PCDH7: variants seen among roughly 807,000 people sequenced by gnomAD.
PCDH7 encodes the protein protocadherin 7.
A neutral mutation model predicts 58.9 loss-of-function variants in PCDH7; 17 were observed. The observed-to-expected ratio is 0.29, with a 90% CI of 0.20 to 0.43. The LOEUF (loss-of-function observed/expected upper bound fraction) is 0.43, where lower values mean the gene tolerates loss of function less well. Among genes scored for constraint, PCDH7 ranks in the 20% least tolerant of loss-of-function variants. PCDH7 has a pLI of 1.00. For synonymous variants in PCDH7, 664 were observed against 616.4 expected, an observed-to-expected ratio of 1.08 and a Z score of -1.14; for missense variants, 1,274 against 1,441.0, an observed-to-expected ratio of 0.88 and a Z score of 1.88.
chr4:30,808,406 C>T (rs1726539824), intron 1 of PCDH7, among the ~76,000 whole-genome samples: 1 of 152,166 alleles, frequency 6.6e-6, no homozygotes, highest in South Asian at 2.1e-4. Flanking sequence ...CCCTCTCTTT[C>T]TCTGCTGTTT....
chr4:31,135,477 T>C lies in PCDH7; in HGVS notation c.*8-6996T>C, dbSNP rs116818602. ...CCAGTGGCCAGCGTATGTCTCTAGA[T>C]AGATAGTAGCTCTGTGTATCACAGA... On this transcript the variant is annotated intron_variant, in intron 3 of 3. Coordinates refer to the PCDH7 transcript ENST00000509759. Among the ~76,000 whole-genome samples, 1,432 of 152,284 alleles carry C rather than the reference T, an allele frequency of 9.4e-3. 6 individuals are homozygous for C. Among genetic ancestry groups the C allele is most frequent in the Non-Finnish European group, 0.014 (934 of 68,016 alleles).
intron 3 of PCDH7, among the ~76,000 whole-genome samples, chr4:30,961,484 G>A (rs978502494): frequency 5.9e-5 from 9 of 151,896 alleles, no homozygotes; most frequent in African/African-American, 1.7e-4. Flanking sequence ...CCTGGGAGGT[G>A]GAGGTTGCAG....
At chr4:30,947,329 TTAATAA>T in intron 2 of PCDH7, among the ~76,000 whole-genome samples, 1 of 152,304 alleles carries the variant, frequency 6.6e-6, no homozygotes, top group Middle Eastern at 3.4e-3. Flanking sequence ...GTCAGTGCAC[TTAATAA>T]TAACCACAAA....
At chr4:30,933,987 C>T (rs1745008852) in intron 2 of PCDH7, among the ~76,000 whole-genome samples, 1 of 152,136 alleles carries the variant, frequency 6.6e-6, no homozygotes, top group South Asian at 2.1e-4. Context: ...TCACACGGAA[C>T]CATATTTTAT....
intron 3 of PCDH7, among the ~76,000 whole-genome samples, chr4:31,137,941 T>C (rs2109344194): frequency 6.6e-6 from 1 of 152,130 alleles, no homozygotes; most frequent in South Asian, 2.1e-4. Context: ...GGACCTGGAG[T>C]AGAGTGAGTG....
At position 30,758,451 on chromosome 4, in the gene PCDH7, T is replaced by C. The variant is rs193026734; in HGVS notation, c.70+33855T>C. On this transcript the variant is annotated intron_variant, in intron 1 of 3. Coordinates refer to the PCDH7 transcript ENST00000509759. ...AATACTTCATAGAATTTAAAACATT[T>C]ATCTTACAGTTCCAGTATGAGCAGT... is the stretch of plus-strand genomic sequence containing the variant. Among the ~76,000 whole-genome samples, 173 of 152,362 alleles carry C rather than the reference T, an allele frequency of 1.1e-3. 1 individual carries two copies. The highest frequency in any genetic ancestry group is 3.7e-3 in the African/African-American group (155 of 41,592).
chr4:30,828,713 T>A (rs1463466632), intron 1 of PCDH7, among the ~76,000 whole-genome samples: 2 of 152,120 alleles, frequency 1.3e-5, no homozygotes, highest in African/African-American at 4.8e-5. Flanking sequence ...TTGCTCACTT[T>A]TCTCTACTCG....
chr4:30,973,295 T>G (rs1185014834), intron 3 of PCDH7, among the ~76,000 whole-genome samples: 3 of 152,148 alleles, frequency 2.0e-5, no homozygotes, highest in African/African-American at 7.2e-5. Context: ...GAAATGCTGT[T>G]GCATGCTTAG....
chr4:30,992,002 G>A (rs1751502732), intron 3 of PCDH7, among the ~76,000 whole-genome samples: 1 of 152,246 alleles, frequency 6.6e-6, no homozygotes, highest in South Asian at 2.1e-4. Flanking sequence ...AAATCAAACA[G>A]ATGAATGATC....
chr4:30,973,149 A>C (rs1749754681), intron 3 of PCDH7, among the ~76,000 whole-genome samples: 1 of 152,200 alleles, frequency 6.6e-6, no homozygotes, highest in Admixed American at 6.5e-5. Context: ...ATAGAGACAA[A>C]AATCACATTT....
intron 1 of PCDH7, among the ~76,000 whole-genome samples, chr4:30,906,501 G>T (rs1358628234): frequency 6.6e-6 from 1 of 152,058 alleles, no homozygotes; most frequent in East Asian, 1.9e-4. Context: ...TTAAGATACT[G>T]TCATTGAAAC....
At chr4:31,018,397 C>T (rs1367493215) in intron 3 of PCDH7, among the ~76,000 whole-genome samples, 1 of 152,130 alleles carries the variant, frequency 6.6e-6, no homozygotes, top group Non-Finnish European at 1.5e-5. Context: ...TTCCTTTAAA[C>T]CTTTTCCTCA....
At chr4:31,077,630 G>C (rs1578733004) in intron 3 of PCDH7, among the ~76,000 whole-genome samples, 1 of 152,110 alleles carries the variant, frequency 6.6e-6, no homozygotes, top group East Asian at 1.9e-4. Context: ...AGATAGGATG[G>C]AAAGGGAGGT....
chr4:31,082,982 C>G (rs1415006878), intron 3 of PCDH7, among the ~76,000 whole-genome samples: 1 of 152,082 alleles, frequency 6.6e-6, no homozygotes, highest in Non-Finnish European at 1.5e-5. Context: ...GTGGTGGGCA[C>G]CTGTAGTCCC....
rs1401701303 is a variant in PCDH7 at position 31,063,451 on chromosome 4, T to C, written c.*8-79022T>C. Among the ~76,000 whole-genome samples, 8 of 151,898 alleles carry C rather than the reference T, an allele frequency of 5.3e-5. No individual in the cohort carries two copies. The East Asian group carries it at 1.4e-3, about 26-fold the overall frequency. On this transcript the variant is annotated intron_variant, in intron 3 of 3. Transcript: ENST00000509759. ...CATGCTATCATACATGCTTTTTTAATCTGGGGCCTGACAGATTGTTAGGAT... is the reference window on the plus strand; with the variant it reads ...CATGCTATCATACATGCTTTTTTAACCTGGGGCCTGACAGATTGTTAGGAT...
At chr4:30,783,468 C>T (rs1280485047) in intron 1 of PCDH7, among the ~76,000 whole-genome samples, 4 of 152,112 alleles carry the variant, frequency 2.6e-5, no homozygotes, top group African/African-American at 9.7e-5. Context: ...CAATTATATG[C>T]AAACACATTC....
At chr4:30,880,298 A>C (rs1034252312) in intron 1 of PCDH7, among the ~76,000 whole-genome samples, 152 of 150,518 alleles carry the variant, frequency 1.0e-3, no homozygotes, top group African/African-American at 3.6e-3. Context: ...AAAAAAAAAA[A>C]CCCTCCTCAG....
rs1713818559 is a variant in PCDH7, at chr4:30,722,505, C to G, written c.1083C>G (p.Asp361Glu). The G allele has an allele frequency of 1.2e-6, 2 of 1,609,626 alleles. No homozygotes were observed. The highest frequency in any genetic ancestry group is 8.5e-7 in the Non-Finnish European group (1 of 1,178,466). ...CGGTGAGGCGGCTGCTGCGCCTTGA[C>G]GAGACGTCCGGCTGGCTCAGCGTCC... The change falls in exon 1 of 2, where the codon GAC becomes GAG. Residue 361 changes from aspartate to glutamate, a missense_variant. Around this residue, in one of 3 missense-constraint regions of PCDH7, gnomAD observed 331 missense variants for 303.2 expected, o/e 1.09. Coordinates refer to ENST00000361762, the Ensembl canonical transcript of PCDH7. This position sits in a 1 kb window ranked among gnomAD's most constrained non-coding sequence, Gnocchi z 7.6.
At chr4:31,057,209 C>G (rs1757329795) in intron 3 of PCDH7, among the ~76,000 whole-genome samples, 1 of 152,148 alleles carries the variant, frequency 6.6e-6, no homozygotes, top group Admixed American at 6.6e-5. Flanking sequence ...ATATTTTCCT[C>G]TCTTCTTCTA....
Sources: allele counts gnomAD v4.1 joint callset (sites outside exome capture counted in the v4.1 genomes callset), GRCh38; gene constraint gnomAD v4.1.1; regional missense constraint gnomAD v4.1.1; non-coding constraint Gnocchi (gnomAD v3.1); transcripts MANE v1.5; gene names NCBI Gene and HGNC (gene_info 2026-07-23, HGNC 2026-07-21).